ZDHHC11B: variants seen among roughly 807,000 people sequenced by gnomAD.
ZDHHC11B encodes the protein zDHHC palmitoyltransferase 11B (putative), also known as probable palmitoyltransferase ZDHHC11B.
In ZDHHC11B, 17 loss-of-function variants were observed where a neutral mutation model predicts 42.3. The observed-to-expected ratio is 0.40, with a 90% CI of 0.27 to 0.60. The LOEUF is 0.60. Among genes scored for constraint, ZDHHC11B ranks in the 20% least tolerant of loss-of-function variants. The pLI, the probability that ZDHHC11B is intolerant of heterozygous loss-of-function variation, is 0.41. For synonymous variants in ZDHHC11B, 123 were observed against 193.5 expected (o/e 0.64, Z 3.02); for missense variants, 262 against 463.2 (o/e 0.57, Z 3.99).
At position 773,359 on chromosome 5, in the gene ZDHHC11B, G is replaced by A. The variant is rs759561972; in HGVS notation, c.-229-4429C>T. On this transcript the variant is annotated intron_variant, in intron 1 of 13. Coordinates refer to ENST00000508859, the MANE Select transcript of ZDHHC11B (RefSeq NM_001351303.2). ...CCCAGAGGCTCTGCTCTTTCACCGT[G>A]AGGGAAAAGAAGGTTGTGTAGCAGA... 3.2e-4 allele frequency among the ~76,000 whole-genome samples: 49 copies of A among 151,980 alleles called. 3 individuals carry two copies. The highest frequency in any genetic ancestry group is 6.2e-4 in the Non-Finnish European group (42 of 67,918).
chr5:722,138 T>C (rs1170220591), intron 12 of ZDHHC11B, among the ~76,000 whole-genome samples: 1 of 151,888 alleles, frequency 6.6e-6, no homozygotes, highest in African/African-American at 2.4e-5. Context: ...GGCTATCTTT[T>C]GGATATTTTG....
chr5:776,120 A>C (rs1435104841), intron 1 of ZDHHC11B, among the ~76,000 whole-genome samples: 1 of 150,518 alleles, frequency 6.6e-6, no homozygotes, highest in Non-Finnish European at 1.5e-5. Flanking sequence ...GCTGGCTGCC[A>C]TCACAGCCCT....
intron 1 of ZDHHC11B, among the ~76,000 whole-genome samples, chr5:783,815 A>G (rs1579479499): frequency 1.4e-5 from 1 of 70,896 alleles, no homozygotes; most frequent in African/African-American, 7.6e-5. Context: ...CCTAAACCCC[A>G]TCAAAACAGC....
At chr5:724,372 T>A (rs1742406883) in intron 12 of ZDHHC11B, among the ~76,000 whole-genome samples, 1 of 9,388 alleles carries the variant, frequency 1.1e-4, no homozygotes, top group African/African-American at 3.3e-4. Flanking sequence ...ACCCAGCTAA[T>A]TTTTTTTTTT....
At chr5:761,660 T>C (rs1002706807) in intron 4 of ZDHHC11B, among the ~76,000 whole-genome samples, 4 of 151,890 alleles carry the variant, frequency 2.6e-5, no homozygotes, top group Admixed American at 6.6e-5. Context: ...GGTAGAAGCC[T>C]GAACCCCCAC....
At chr5:775,607 C>T (rs1248305197) in intron 1 of ZDHHC11B, among the ~76,000 whole-genome samples, 1 of 151,724 alleles carries the variant, frequency 6.6e-6, no homozygotes, top group South Asian at 2.1e-4. Context: ...GATGCTCGTG[C>T]CCTGGAGAAC....
At position 734,323 on chromosome 5, in the gene ZDHHC11B, T is replaced by C. The variant is rs1225358338; in HGVS notation, c.936-484A>G. 2.0e-4 allele frequency among the ~76,000 whole-genome samples: 22 copies of C among 109,668 alleles called. 3 individuals carry two copies. The highest frequency in any genetic ancestry group is 7.4e-5 in the Non-Finnish European group (4 of 53,856). 71.9% of individuals were successfully genotyped at this position (109,668 alleles called of 152,430 possible). On this transcript the variant is annotated intron_variant, in intron 10 of 13. Transcript: ENST00000508859. ...GCCACTGCAAATTCCACAGAACAGGTGACAACTCCGCTGCTGTCTCAAAAG... is the reference window on the plus strand; with the variant it reads ...GCCACTGCAAATTCCACAGAACAGGCGACAACTCCGCTGCTGTCTCAAAAG...
At chr5:763,073 A>G (rs1734827157) in intron 4 of ZDHHC11B, among the ~76,000 whole-genome samples, 2 of 151,904 alleles carry the variant, frequency 1.3e-5, no homozygotes, top group African/African-American at 2.4e-5. Flanking sequence ...AATTTCCTGA[A>G]AAACACAACC....
In ZDHHC11B at chr5:745,269, G is replaced by C; in HGVS notation, c.814C>G (p.Leu272Val). 1 of 1,609,248 alleles carries C rather than the reference G, an allele frequency of 6.2e-7. No individual in the cohort carries two copies. Among genetic ancestry groups the C allele is most frequent in the African/African-American group, 1.3e-5 (1 of 74,586 alleles). ...KAKKMTTFEY[L>V]INTRKEESSK... ...CTCTCTTCTTTGCGGGTATTAATGA[G>C]ATACTCAAAGGTGGTCATCTTCTTG... The change falls in exon 9 of 14, where the codon CTC (leucine) becomes GTC (valine). Residue 272 changes from leucine to valine, a missense_variant. By Grantham distance (32) the Leu-to-Val change is conservative (BLOSUM62 1). Coordinates refer to ENST00000508859, the MANE Select transcript of ZDHHC11B (RefSeq NM_001351303.2).
At chr5:738,611 G>GTGGTC (rs1743787425) in intron 10 of ZDHHC11B, among the ~76,000 whole-genome samples, 1 of 73,580 alleles carries the variant, frequency 1.4e-5, no homozygotes, top group Non-Finnish European at 3.2e-5. Context: ...TAGATCAATG[G>GTGGTC]AACAGAATAG....
At chr5:730,513 T>C (rs757260673) in intron 11 of ZDHHC11B, 45 bp from the exon 12 acceptor site, 1 of 1,533,210 alleles carries the variant, frequency 6.5e-7, no homozygotes, top group Non-Finnish European at 8.7e-7. Flanking sequence ...AACAAAGACC[T>C]TGTTGACATT....
At chr5:746,669 G>C (rs1315048046) in intron 8 of ZDHHC11B, among the ~76,000 whole-genome samples, 2 of 150,218 alleles carry the variant, frequency 1.3e-5, no homozygotes, top group Non-Finnish European at 3.0e-5. Context: ...GCAGCACAAG[G>C]GCCAGCCACA....
intron 9 of ZDHHC11B, among the ~76,000 whole-genome samples, chr5:743,931 G>A (rs539122093): frequency 5.3e-5 from 8 of 149,822 alleles, no homozygotes; most frequent in Non-Finnish European, 1.5e-5. Context: ...CACCTGTGCC[G>A]AACCTCCAAG....
At chr5:753,559 G>A (rs1458528959) in intron 6 of ZDHHC11B, among the ~76,000 whole-genome samples, 1,609 of 142,748 alleles carry the variant, frequency 0.011, 7 homozygotes, top group African/African-American at 0.039. Context: ...GAGCCAGCTC[G>A]AGGCACCAGA....
Position 711,377 on chromosome 5 carries a change from A to AGCTCCCATTTCCTAGTACTGT in ZDHHC11B, c.*892_*912dup, listed in dbSNP as rs1741358733. 1 of 94,324 alleles carries AGCTCCCATTTCCTAGTACTGT rather than the reference A, an allele frequency of 1.1e-5. No individual in the cohort carries two copies. The highest frequency in any genetic ancestry group is 2.1e-5 in the Non-Finnish European group (1 of 46,532). 5.8% of individuals were successfully genotyped at this position (94,324 alleles called of 1,614,324 possible). On this transcript the variant is annotated 3_prime_UTR_variant, in exon 14 of 14. Transcript: ENST00000508859. The stretch of plus-strand genomic sequence containing the variant: ...TATGTTCCCATTTCCCAGTGCTGTG[A>AGCTCCCATTTCCTAGTACTGT]GCTCCCATTTCCTAGTACTGTGCTC...
intron 1 of ZDHHC11B, among the ~76,000 whole-genome samples, chr5:774,692 T>G (rs1208843269): frequency 6.8e-6 from 1 of 147,308 alleles, no homozygotes; most frequent in African/African-American, 2.5e-5. Flanking sequence ...AACTAGGACC[T>G]GGGGTCTGTC....
Position 775,971 on chromosome 5 carries a change from G to A in ZDHHC11B, c.-229-7041C>T, listed in dbSNP as rs7715465. On this transcript the variant is annotated intron_variant, in intron 1 of 13. Transcript: ENST00000508859. Reference sequence around the variant, plus strand: ...GGGAGTGCATGCCAGGAACCCCTGGGGGTCCCTGGTCCTCTCTCCATGGGC... The same window carrying A: ...GGGAGTGCATGCCAGGAACCCCTGGAGGTCCCTGGTCCTCTCTCCATGGGC... Among the ~76,000 whole-genome samples, 15 of 139,444 alleles carry A rather than the reference G, an allele frequency of 1.1e-4. 3 individuals are homozygous for A. Among genetic ancestry groups the A allele is most frequent in the Non-Finnish European group, 2.0e-4 (13 of 63,818 alleles). 91.5% of individuals were successfully genotyped at this position (139,444 alleles called of 152,430 possible). A position where few individuals can be genotyped will look rare whatever the true frequency, so the allele number is the denominator to read the frequency against.
chr5:744,600 T>C (rs1744530644), intron 9 of ZDHHC11B, among the ~76,000 whole-genome samples: 2 of 149,502 alleles, frequency 1.3e-5, no homozygotes, highest in East Asian at 2.0e-4. Context: ...TCAGGCCAGG[T>C]ACGGTGGCTC....
rs183316059 is a variant in ZDHHC11B at position 759,628 on chromosome 5, G to A, written c.223-3484C>T. Among the ~76,000 whole-genome samples the A allele has an allele frequency of 3.9e-3, 593 of 151,946 alleles. 18 individuals carry two copies. The highest frequency in any genetic ancestry group is 0.026 in the Admixed American group (403 of 15,226). On this transcript the variant is annotated intron_variant, in intron 4 of 13. Transcript: ENST00000508859. ...TTTCCCTTTGCAGAAGAACAGACGC[G>A]GGCACGCGGGCACTGAGGCATGCTC...
Sources: gnomAD v4.1 joint callset for allele counts (sites outside exome capture counted in the v4.1 genomes callset) on GRCh38, gnomAD v4.1.1 for gene constraint, MANE v1.5 for transcripts, NCBI Gene and HGNC (gene_info 2026-07-23, HGNC 2026-07-21) for gene names.